LRP1B: variants seen among roughly 807,000 people sequenced by gnomAD.
LRP1B encodes LDL receptor related protein 1B.
Under a neutral mutation model 556.6 loss-of-function variants are expected in LRP1B, and 217 were observed. The observed-to-expected ratio is 0.39, with a 90% CI of 0.35 to 0.44. The LOEUF (loss-of-function observed/expected upper bound fraction) is 0.44. Ranked by LOEUF, LRP1B falls within the 20% of genes least tolerant of loss-of-function variation. The pLI, the probability that LRP1B is intolerant of heterozygous loss-of-function variation, is 1.00. For synonymous variants in LRP1B, 2,047 were observed against 1,865.8 expected (o/e 1.10, Z -2.50); for missense variants, 5,053 against 5,620.8 (o/e 0.90, Z 3.23).
rs115882537 is a variant in LRP1B, at chr2:141,266,557, A to C, written c.344-11916T>G. The stretch of plus-strand genomic sequence containing the variant: ...AAAAAATCTGAGAGTGTACCACATC[A>C]ATGCTAAGAGAATTTCTCATTTTGT... On this transcript the variant is annotated intron_variant, in intron 3 of 90. Transcript: ENST00000389484. Among the ~76,000 whole-genome samples, 1,050 of 152,276 alleles carry C rather than the reference A, an allele frequency of 6.9e-3. 10 individuals are homozygous for C. Among genetic ancestry groups the C allele is most frequent in the African/African-American group, 0.024 (1,018 of 41,560 alleles).
intron 87 of LRP1B, among the ~76,000 whole-genome samples, chr2:140,244,328 A>G (rs1483021612): frequency 6.6e-6 from 1 of 151,310 alleles, no homozygotes; most frequent in Non-Finnish European, 1.5e-5. Flanking sequence ...CCCCTAACAG[A>G]TATCTTGCCC....
intron 3 of LRP1B, among the ~76,000 whole-genome samples, chr2:141,359,857 T>C (rs1389411448): frequency 6.9e-6 from 1 of 145,950 alleles, no homozygotes; most frequent in East Asian, 2.0e-4. Context: ...ACTTTCAAAT[T>C]AGCCAGAGAC....
At chr2:141,315,252 ATTTTTTTT>A (rs34839276) in intron 3 of LRP1B, among the ~76,000 whole-genome samples, 1 of 77,164 alleles carries the variant, frequency 1.3e-5, no homozygotes, top group African/African-American at 5.2e-5. Context: ...AATGATTGTA[ATTTTTTTT>A]TTTTTTTTTT....
At chr2:141,405,735 G>C (rs894065903) in intron 3 of LRP1B, among the ~76,000 whole-genome samples, 4 of 152,060 alleles carry the variant, frequency 2.6e-5, no homozygotes, top group Non-Finnish European at 4.4e-5. Flanking sequence ...TAGAATATAA[G>C]TATATATCTT....
At chr2:140,328,234 C>T (rs1680599146) in intron 79 of LRP1B, among the ~76,000 whole-genome samples, 1 of 151,838 alleles carries the variant, frequency 6.6e-6, no homozygotes, top group Non-Finnish European at 1.5e-5. Flanking sequence ...AAATGTCATA[C>T]TTGTTTTAAT....
intron 31 of LRP1B, among the ~76,000 whole-genome samples, chr2:140,833,783 C>T (rs532030054): frequency 5.3e-5 from 8 of 151,984 alleles, no homozygotes; most frequent in South Asian, 2.1e-4. Flanking sequence ...AGCTGGTGAA[C>T]GAACATGTTA....
intron 1 of LRP1B, among the ~76,000 whole-genome samples, chr2:141,971,178 G>A (rs1701722057): frequency 6.6e-6 from 1 of 151,440 alleles, no homozygotes; most frequent in Admixed American, 6.6e-5. Flanking sequence ...AATAAACTGA[G>A]CTATGTTGTG....
chr2:140,552,839 T>C (rs1400758251), intron 43 of LRP1B, among the ~76,000 whole-genome samples: 1 of 152,190 alleles, frequency 6.6e-6, no homozygotes, highest in African/African-American at 2.4e-5. Flanking sequence ...TGTGTCGTCA[T>C]AGATAAACTA....
rs141233295 is a variant in LRP1B at position 141,792,765 on chromosome 2, C to T, written c.205+17514G>A. On this transcript the variant is annotated intron_variant, in intron 2 of 90. Transcript: ENST00000389484. ...CAACGTGGTCTCAGACCACAGGGAA[C>T]GAATAGTGTAATGACATTCCACTTA... is the stretch of plus-strand genomic sequence containing the variant. Among the ~76,000 whole-genome samples, 8 of 151,934 alleles carry T rather than the reference C, an allele frequency of 5.3e-5. No individual in the cohort carries two copies. The East Asian group carries it at 5.8e-4, about 11-fold the overall frequency.
chr2:140,542,426 T>G (rs1558955912), intron 43 of LRP1B, among the ~76,000 whole-genome samples: 1 of 152,008 alleles, frequency 6.6e-6, no homozygotes, highest in East Asian at 1.9e-4. Context: ...ACCGCATGAG[T>G]GACTAAACTA....
At position 140,950,348 on chromosome 2, in the gene LRP1B, T is replaced by G; in HGVS notation, c.3023A>C (p.Asp1008Ala). Residue 1008 changes from aspartate (D) to alanine (A), a missense_variant, in exon 20 of 91, where the codon GAT (aspartate) becomes GCT (alanine). By Grantham distance (126) the Asp-to-Ala change is moderately radical. Coordinates refer to ENST00000389484, the MANE Select transcript of LRP1B (RefSeq NM_018557.3). ...GCCACTGGAACATCTGAACTGATTATCAAAGCAAGAGTGAACACAGCCCAC... is the reference window on the plus strand; with the variant it reads ...GCCACTGGAACATCTGAACTGATTAGCAAAGCAAGAGTGAACACAGCCCAC... ...DEVGCVHSCF[D>A]NQFRCSSGRC... 1.2e-6 allele frequency: 2 copies of G among 1,613,014 alleles called. No homozygotes were observed. Among genetic ancestry groups the G allele is most frequent in the Non-Finnish European group, 1.7e-6 (2 of 1,179,538 alleles).
chr2:141,012,001 T>C lies in LRP1B; in HGVS notation c.2380+1555A>G, dbSNP rs114446175. On this transcript the variant is annotated intron_variant, in intron 14 of 90. Coordinates refer to ENST00000389484, the MANE Select transcript of LRP1B (RefSeq NM_018557.3). ...AATTTGTTTGTCAGGCACAGTGCTA[T>C]GTAAGTTCTGCTTTTAAATAACACA... Among the ~76,000 whole-genome samples the C allele has an allele frequency of 2.6e-5, 4 of 152,102 alleles. No homozygotes were observed. The East Asian group carries it at 7.7e-4, about 29-fold the overall frequency.
chr2:140,699,129 C>T (rs1424619258), intron 41 of LRP1B, among the ~76,000 whole-genome samples: 2 of 151,960 alleles, frequency 1.3e-5, no homozygotes, highest in African/African-American at 4.8e-5. Context: ...AAAATATCCA[C>T]CACACATACA....
At chr2:141,024,391 A>C (rs1168786157) in intron 11 of LRP1B, among the ~76,000 whole-genome samples, 2 of 152,066 alleles carry the variant, frequency 1.3e-5, no homozygotes, top group South Asian at 4.1e-4. Flanking sequence ...TGTAGAGTGC[A>C]TATAAGGGTC....
chr2:140,981,059 T>C (rs1046096023), intron 18 of LRP1B, among the ~76,000 whole-genome samples: 1 of 151,462 alleles, frequency 6.6e-6, no homozygotes, highest in Admixed American at 6.6e-5. Flanking sequence ...CGCAAATGCA[T>C]AAGAATGATG....
At chr2:140,969,382 A>T (rs1696336703) in intron 18 of LRP1B, among the ~76,000 whole-genome samples, 1 of 152,104 alleles carries the variant, frequency 6.6e-6, no homozygotes, top group Non-Finnish European at 1.5e-5. Context: ...TTTGCTTGGT[A>T]GATCTTCCTC....
chr2:141,486,719 C>T (rs1014191043), intron 2 of LRP1B, among the ~76,000 whole-genome samples: 3 of 152,096 alleles, frequency 2.0e-5, no homozygotes, highest in African/African-American at 7.2e-5. Context: ...TACCTGCAAC[C>T]TCACTCAATT....
At chr2:140,657,257 T>C (rs1478377646) in intron 41 of LRP1B, among the ~76,000 whole-genome samples, 2 of 151,990 alleles carry the variant, frequency 1.3e-5, no homozygotes, top group Admixed American at 6.6e-5. Context: ...CTGTACTTCA[T>C]AATATAGGGA....
intron 33 of LRP1B, among the ~76,000 whole-genome samples, chr2:140,775,484 T>TA (rs1689462828): frequency 6.7e-6 from 1 of 149,784 alleles, no homozygotes; most frequent in Middle Eastern, 3.4e-3. Flanking sequence ...TTTTTTTTTT[T>TA]TTTTTTAGAA....
Sources: allele counts gnomAD v4.1 joint callset (sites outside exome capture counted in the v4.1 genomes callset), GRCh38; gene constraint gnomAD v4.1.1; transcripts MANE v1.5; gene names NCBI Gene and HGNC (gene_info 2026-07-23, HGNC 2026-07-21).